The following PIK3C2B variants were observed in gnomAD, a reference collection of about 807,000 sequenced individuals.
PIK3C2B encodes the protein phosphatidylinositol-4-phosphate 3-kinase catalytic subunit type 2 beta.
In PIK3C2B, 83 loss-of-function variants were observed where a neutral mutation model predicts 184.3. The observed-to-expected ratio is 0.45, with a 90% CI of 0.38 to 0.54. The LOEUF is 0.54. Among genes scored for constraint, PIK3C2B ranks in the 20% least tolerant of loss-of-function variants. The probability of loss-of-function intolerance (pLI) is 0.00; values close to 1 mark genes in which losing one functional copy is unlikely to be tolerated. For missense variants in PIK3C2B, 1,736 were observed against 2,113.5 expected (o/e 0.82, Z 3.50); for synonymous variants, 779 against 837.6 (o/e 0.93, Z 1.21).
At chr1:204,463,266 G>A (rs935070270) in intron 5 of PIK3C2B, among the ~76,000 whole-genome samples, 1 of 152,222 alleles carries the variant, frequency 6.6e-6, no homozygotes, top group African/African-American at 2.4e-5. Context: ...AGTGGACAGA[G>A]ACTGGGGGCA....
chr1:204,480,796 C>T (rs1030148072), intron 1 of PIK3C2B, among the ~76,000 whole-genome samples: 2 of 152,116 alleles, frequency 1.3e-5, no homozygotes, highest in South Asian at 2.1e-4. Context: ...GCTAAGGCGC[C>T]GACCAGCCCC....
chr1:204,466,946 G>T (rs745915038), intron 2 of PIK3C2B: 4 of 532,580 alleles, frequency 7.5e-6, no homozygotes, highest in Non-Finnish European at 1.2e-5. Flanking sequence ...ACGAAAGCGG[G>T]GCGGTGGTAT....
intron 1 of PIK3C2B, among the ~76,000 whole-genome samples, chr1:204,485,270 A>C (rs994036407): frequency 6.6e-6 from 1 of 152,076 alleles, no homozygotes; most frequent in Non-Finnish European, 1.5e-5. Context: ...TTCCTGTTCT[A>C]ATCTCTCTTA....
chr1:204,487,164 G>A (rs1213622799), intron 1 of PIK3C2B, among the ~76,000 whole-genome samples: 1 of 152,128 alleles, frequency 6.6e-6, no homozygotes, highest in East Asian at 1.9e-4. Context: ...GGAGTGCAGT[G>A]GTGCAATCAT....
chr1:204,453,209 G>A (rs1251458127), intron 12 of PIK3C2B, among the ~76,000 whole-genome samples: 3 of 152,114 alleles, frequency 2.0e-5, no homozygotes, highest in East Asian at 1.9e-4. Flanking sequence ...AAGCAAAGCC[G>A]GGGGCAGCAA....
At chr1:204,476,118 T>C (rs1461786420) in intron 1 of PIK3C2B, among the ~76,000 whole-genome samples, 1 of 152,188 alleles carries the variant, frequency 6.6e-6, no homozygotes, top group Non-Finnish European at 1.5e-5. Context: ...CCCAGCGACC[T>C]TGAAACACAG....
rs774629946 is a variant in PIK3C2B, at chr1:204,450,008, G to A, written c.2076C>T (p.Phe692=). ...GAGGCAGCCGGTTCACCTGCACTGG[G>A]AAGCAGATCCTATGGAGGACAGGAA... ...HLIVWDQQIC[F]PVQVNRLPRE... The change falls in exon 13 of 33, where the codon TTC becomes TTT. Residue 692 remains phenylalanine (F), a synonymous_variant. Coordinates refer to ENST00000684373, the MANE Select transcript of PIK3C2B (RefSeq NM_001377334.1). The A allele has an allele frequency of 6.4e-6, 10 of 1,568,730 alleles. No individual in the cohort carries two copies. The Admixed American group carries it at 9.5e-5, about 15-fold the overall frequency.
intron 19 of PIK3C2B, among the ~76,000 whole-genome samples, chr1:204,442,958 G>A (rs1028510696): frequency 2.6e-5 from 4 of 152,212 alleles, no homozygotes; most frequent in East Asian, 1.9e-4. Flanking sequence ...CAATCTGGAC[G>A]TTGATACAAA....
Position 204,468,867 on chromosome 1 carries a change from C to A in PIK3C2B, c.933+3G>T. The A allele has an allele frequency of 6.3e-7, 1 of 1,575,792 alleles. No individual in the cohort carries two copies. The highest frequency in any genetic ancestry group is 8.6e-7 in the Non-Finnish European group (1 of 1,159,974). On this transcript the variant is annotated splice_donor_region_variant and intron_variant, in intron 2 of 32. Coordinates refer to ENST00000684373, the MANE Select transcript of PIK3C2B (RefSeq NM_001377334.1). ...GGCAGAAGAAACACAAGAAGGTCCT[C>A]ACCGGGGCTGCAGAAATCCGGCGGT...
chr1:204,444,778 G>A (rs1653706306), intron 16 of PIK3C2B, among the ~76,000 whole-genome samples: 1 of 152,158 alleles, frequency 6.6e-6, no homozygotes, highest in South Asian at 2.1e-4. Context: ...CCCTGATGTG[G>A]GTAAAAGCAT....
chr1:204,435,182 C>A (rs190621090), intron 23 of PIK3C2B, among the ~76,000 whole-genome samples: 8 of 151,742 alleles, frequency 5.3e-5, no homozygotes, highest in Non-Finnish European at 1.2e-4. Flanking sequence ...CAGCTTAACA[C>A]GTCTAGAGAG....
At chr1:204,445,367 G>C (rs768500119) in intron 16 of PIK3C2B, among the ~76,000 whole-genome samples, 1 of 152,078 alleles carries the variant, frequency 6.6e-6, no homozygotes, top group African/African-American at 2.4e-5. Flanking sequence ...GCCAAGGAGG[G>C]AGCATTGCTT....
At chr1:204,487,495 T>C (rs1657689295) in intron 1 of PIK3C2B, among the ~76,000 whole-genome samples, 1 of 152,184 alleles carries the variant, frequency 6.6e-6, no homozygotes. Context: ...GAACTGTTAA[T>C]ACTGTGTTCT....
At chr1:204,492,554 G>A (rs905811328) in intron 1 of PIK3C2B, among the ~76,000 whole-genome samples, 4 of 152,106 alleles carry the variant, frequency 2.6e-5, no homozygotes, top group African/African-American at 9.7e-5. Flanking sequence ...CAGGAGGAGT[G>A]GGGACACCAC....
chr1:204,431,335 G>C, intron 28 of PIK3C2B: 1 of 300,302 alleles, frequency 3.3e-6, no homozygotes. Flanking sequence ...CATTTTAAAT[G>C]CTGAATAATA....
At chr1:204,459,844 G>C (rs375399367) in intron 8 of PIK3C2B, 34 bp downstream of exon 8, 3 of 1,582,916 alleles carry the variant, frequency 1.9e-6, no homozygotes, top group African/African-American at 1.3e-5. Flanking sequence ...AGGAGCTTTC[G>C]GGCAGCAGGG....
At chr1:204,493,136 A>G (rs543685788) in intron 1 of PIK3C2B, among the ~76,000 whole-genome samples, 2 of 152,242 alleles carry the variant, frequency 1.3e-5, no homozygotes, top group African/African-American at 4.8e-5. Context: ...TCTCTTCCTA[A>G]TATCTTCCCA....
In PIK3C2B at chr1:204,449,923, A is replaced by G. The variant is rs373679490; in HGVS notation, c.2161T>C (p.Ser721Pro). 1.7e-5 allele frequency: 28 copies of G among 1,613,822 alleles called. 1 individual carries two copies. The African/African-American group carries it at 3.7e-4, about 22-fold the overall frequency. ...ALPIPPPGSS[S>P]EANKQRRVPE... ...ACCCGCCGCTGCTTATTGGCCTCTG[A>G]GGAGCTCCCCGGTGGGGGGATGGGC... The change falls in exon 13 of 33, where the codon TCA (serine) becomes CCA (proline). Residue 721 changes from serine to proline, a missense_variant. By Grantham distance (74) the Ser-to-Pro change is moderately conservative. Transcript: ENST00000684373.
intron 9 of PIK3C2B, among the ~76,000 whole-genome samples, chr1:204,457,369 C>T (rs1654962323): frequency 6.6e-6 from 1 of 152,202 alleles, no homozygotes; most frequent in Admixed American, 6.5e-5. Flanking sequence ...GCACACAGCC[C>T]CTGCTGGAGT....
Sources: allele counts gnomAD v4.1 joint callset (sites outside exome capture counted in the v4.1 genomes callset), GRCh38; gene constraint gnomAD v4.1.1; transcripts MANE v1.5; gene names NCBI Gene and HGNC (gene_info 2026-07-23, HGNC 2026-07-21).